Variants in C6 observed in about 807,000 individuals in gnomAD.
The protein encoded by C6 is complement component C6.
In C6, 101 loss-of-function variants were observed where a neutral mutation model predicts 112.9. That is an observed-to-expected ratio of 0.89 (90% confidence interval 0.76 to 1.06). The LOEUF (loss-of-function observed/expected upper bound fraction) is 1.06. Among genes scored for constraint, C6 ranks in the 50% least tolerant of loss-of-function variants. The pLI, the probability that C6 is intolerant of heterozygous loss-of-function variation, is 0.00. For missense variants in C6, 1,202 were observed against 1,104.6 expected (o/e 1.09, Z -1.25); for synonymous variants, 431 against 384.1 (o/e 1.12, Z -1.43).
chr5:41,195,470 G>A (rs958210984), intron 5 of C6, among the ~76,000 whole-genome samples: 11 of 152,234 alleles, frequency 7.2e-5, no homozygotes, highest in African/African-American at 1.9e-4. Context: ...GCACCTCCCA[G>A]CTTGATGGGC....
upstream of C6, among the ~76,000 whole-genome samples, chr5:41,218,016 C>T (rs751523824): frequency 5.5e-4 from 84 of 152,156 alleles, no homozygotes; most frequent in Middle Eastern, 3.4e-3. Flanking sequence ...CTTCAAAGTG[C>T]CATAGGAGGA....
Position 41,158,734 on chromosome 5 carries a change from A to G in C6, c.1908T>C (p.Pro636=), listed in dbSNP as rs368142485. ...GACACCCGGAATCTGCTTCTATCTC[A>G]GGAAGATCGACCTCTTTCATTTCTT... ...DDEEMKEVDL[P]EIEADSGCPQ... Residue 636 remains proline, a synonymous_variant, in exon 13 of 18, where the codon CCT becomes CCC. Transcript: ENST00000337836. 2 of 1,611,192 alleles carry G rather than the reference A, an allele frequency of 1.2e-6. No homozygotes were observed. The highest frequency in any genetic ancestry group is 2.7e-5 in the African/African-American group (2 of 74,818).
chr5:41,240,722 G>A (rs1294962154), intron 1 of C6, among the ~76,000 whole-genome samples: 1 of 152,126 alleles, frequency 6.6e-6, no homozygotes, highest in Admixed American at 6.5e-5. Flanking sequence ...GGTTTTCTGG[G>A]CTTGTGGTTG....
At chr5:41,204,765 G>A (rs1359034428) in intron 1 of C6, among the ~76,000 whole-genome samples, 3 of 150,096 alleles carry the variant, frequency 2.0e-5, no homozygotes, top group Non-Finnish European at 4.4e-5. Flanking sequence ...TGCCTCCCGG[G>A]TTCATGCCAT....
At chr5:41,171,808 C>A (rs145045107) in intron 9 of C6, among the ~76,000 whole-genome samples, 37 of 152,230 alleles carry the variant, frequency 2.4e-4, no homozygotes, top group African/African-American at 8.7e-4. Flanking sequence ...GTATTTCAAT[C>A]CCAGGATTTT....
At chr5:41,158,944 C>T in intron 12 of C6, 138 bp downstream of exon 12, 1 of 1,187,214 alleles carries the variant, frequency 8.4e-7, no homozygotes, top group East Asian at 2.3e-5. Flanking sequence ...GACCCAGTGG[C>T]TCATTAATAT....
upstream of C6, among the ~76,000 whole-genome samples, chr5:41,214,132 GA>G (rs963308597): frequency 7.3e-5 from 11 of 151,686 alleles, no homozygotes; most frequent in African/African-American, 2.7e-4. Flanking sequence ...CAATAGAAAA[GA>G]AAAAAAACTA....
chr5:41,210,261 A>G (rs1409135118), intron 1 of C6, among the ~76,000 whole-genome samples: 1 of 152,192 alleles, frequency 6.6e-6, no homozygotes, highest in Non-Finnish European at 1.5e-5. Flanking sequence ...AACCATAAAA[A>G]CCCTAGAAGA....
intron 9 of C6, among the ~76,000 whole-genome samples, chr5:41,166,616 T>C (rs1747995414): frequency 6.6e-6 from 1 of 152,140 alleles, no homozygotes; most frequent in Admixed American, 6.5e-5. Context: ...ATAAAGACCA[T>C]GTCACTGTCC....
At position 41,199,921 on chromosome 5, in the gene C6, A is replaced by C. The variant is rs765286720; in HGVS notation, c.301-9T>G. 3.7e-6 allele frequency: 6 copies of C among 1,613,382 alleles called. No individual in the cohort carries two copies. In the East Asian group the frequency reaches 1.3e-4, roughly 36 times the overall value. ...ACAGATCTAACTTTAGACTGAAAGG[A>C]AAGAAGAGAAAGATATAACTCTGAG... On this transcript the variant is annotated splice_polypyrimidine_tract_variant and intron_variant, in intron 3 of 17. Transcript: ENST00000337836.
intron 6 of C6, among the ~76,000 whole-genome samples, chr5:41,182,456 G>C (rs1256999167): frequency 1.3e-5 from 2 of 152,006 alleles, no homozygotes; most frequent in African/African-American, 4.8e-5. Context: ...TGCTGAGTCT[G>C]GTGTCTGTAT....
At chr5:41,215,373 G>A (rs554588168), upstream of C6, among the ~76,000 whole-genome samples, 2 of 152,224 alleles carry the variant, frequency 1.3e-5, no homozygotes, top group Non-Finnish European at 2.9e-5. Context: ...AGGCTAATTG[G>A]GACTGATGAG....
chr5:41,259,818 C>T (rs1365640539), intron 1 of C6, among the ~76,000 whole-genome samples: 3 of 152,130 alleles, frequency 2.0e-5, no homozygotes, highest in Admixed American at 6.5e-5. Flanking sequence ...ATAGGGACAC[C>T]GTCAGCTTTC....
intron 8 of C6, among the ~76,000 whole-genome samples, chr5:41,175,409 T>C (rs1394515363): frequency 1.3e-5 from 2 of 152,198 alleles, no homozygotes; most frequent in Non-Finnish European, 2.9e-5. Context: ...GCATGGGTAT[T>C]TATTTGGAAT....
chr5:41,241,243 G>A (rs1239925796), intron 1 of C6, among the ~76,000 whole-genome samples: 1 of 152,210 alleles, frequency 6.6e-6, no homozygotes, highest in Non-Finnish European at 1.5e-5. Context: ...AGCCAGTCTA[G>A]GTAGGTGGCT....
intron 1 of C6, among the ~76,000 whole-genome samples, chr5:41,260,365 G>A (rs969532997): frequency 5.3e-5 from 8 of 151,516 alleles, no homozygotes; most frequent in African/African-American, 1.2e-4. Context: ...TTTCAAACAC[G>A]TTATATCAAA....
At chr5:41,213,567 T>C, upstream of C6, 1 of 985,280 alleles carries the variant, frequency 1.0e-6, no homozygotes, top group African/African-American at 1.7e-5. Flanking sequence ...ATAAATGTTC[T>C]CTGGAACTTG....
At chr5:41,220,596 G>T (rs1205137246) in intron 1 of C6, among the ~76,000 whole-genome samples, 1 of 151,898 alleles carries the variant, frequency 6.6e-6, no homozygotes, top group East Asian at 1.9e-4. Context: ...TATGAGTGAG[G>T]TGCAGTCATA....
Position 41,174,176 on chromosome 5 carries a change from T to C in C6, c.1169-1829A>G, listed in dbSNP as rs3805718. ...TGAATATTTTTTATGACATTGGTCA[T>C]GCAGTGATTAAAATATCTGGACTTT... is the stretch of plus-strand genomic sequence containing the variant. On this transcript the variant is annotated intron_variant, in intron 8 of 17. Transcript: ENST00000337836. 2.7e-3 allele frequency among the ~76,000 whole-genome samples: 411 copies of C among 152,354 alleles called. 4 individuals are homozygous for C. The highest frequency in any genetic ancestry group is 0.018 in the East Asian group (95 of 5,182).
Sources: gnomAD v4.1 joint callset for allele counts (sites outside exome capture counted in the v4.1 genomes callset) on GRCh38, gnomAD v4.1.1 for gene constraint, MANE v1.5 for transcripts, NCBI Gene and HGNC (gene_info 2026-07-23, HGNC 2026-07-21) for gene names.